The following ITIH2 variants were observed in gnomAD, a reference collection of about 807,000 sequenced individuals.
The protein encoded by ITIH2 is inter-alpha-trypsin inhibitor heavy chain H2.
A neutral mutation model predicts 104.4 loss-of-function variants in ITIH2; 103 were observed. That is an observed-to-expected ratio of 0.99 (90% CI 0.84 to 1.16). The LOEUF is 1.16. ITIH2 is among the 50% of genes most tolerant of loss of function. The pLI, the probability that ITIH2 is intolerant of heterozygous loss-of-function variation, is 0.00. For synonymous variants in ITIH2, 436 were observed against 435.4 expected (o/e 1.00, Z -0.02); for missense variants, 1,108 against 1,162.4 (o/e 0.95, Z 0.68).
intron 14 of ITIH2, among the ~76,000 whole-genome samples, chr10:7,733,745 AG>A (rs905867506): frequency 7.9e-5 from 12 of 152,264 alleles, no homozygotes; most frequent in African/African-American, 2.9e-4. Flanking sequence ...GTTTGATAAA[AG>A]TTCCCATTCC....
chr10:7,727,737 C>A lies in ITIH2; in HGVS notation c.1188C>A (p.Ile396=). The part of the protein sequence containing the change: ...TNINEALLRA[I]FILNEANNLG... ...TCAACGAAGCACTCCTACGGGCAATCTTCATTTTGAATGAAGCCAATAACT... is the reference window on the plus strand; with the variant it reads ...TCAACGAAGCACTCCTACGGGCAATATTCATTTTGAATGAAGCCAATAACT... The change falls in exon 11 of 21, where the codon ATC becomes ATA. Residue 396 remains isoleucine (I), a synonymous_variant. Transcript: ENST00000358415. 2.5e-6 allele frequency: 4 copies of A among 1,614,188 alleles called. No homozygotes were observed. The highest frequency in any genetic ancestry group is 1.3e-5 in the African/African-American group (1 of 75,052).
intron 4 of ITIH2, among the ~76,000 whole-genome samples, chr10:7,710,188 T>C (rs190007601): frequency 6.6e-6 from 1 of 152,314 alleles, no homozygotes; most frequent in African/African-American, 2.4e-5. Flanking sequence ...GTGGAAAGCA[T>C]GAGAGTACAG....
chr10:7,744,475 C>T lies in ITIH2; in HGVS notation c.2408+195C>T, dbSNP rs138115253. Reference sequence around the variant, plus strand: ...TGTGTGTTTTTGGTCACCGTTGGGTCCCAGGACCTAGTCCAGTGCCTGGCA... The same window carrying T: ...TGTGTGTTTTTGGTCACCGTTGGGTTCCAGGACCTAGTCCAGTGCCTGGCA... On this transcript the variant is annotated intron_variant, in intron 18 of 20. Transcript: ENST00000358415. Among the ~76,000 whole-genome samples, 618 of 152,292 alleles carry T rather than the reference C, an allele frequency of 4.1e-3. 3 individuals are homozygous for T. The highest frequency in any genetic ancestry group is 0.024 in the Middle Eastern group (7 of 294).
intron 16 of ITIH2, 69 bp downstream of exon 16, chr10:7,738,827 A>G (rs1255085604): frequency 3.4e-6 from 5 of 1,480,966 alleles, no homozygotes; most frequent in Admixed American, 4.4e-5. Flanking sequence ...CATTGTGTGC[A>G]TGAGGCCAGG....
At position 7,740,010 on chromosome 10, in the gene ITIH2, A is replaced by G. The variant is rs562471524; in HGVS notation, c.2095+1252A>G. 3.9e-5 allele frequency among the ~76,000 whole-genome samples: 6 copies of G among 152,244 alleles called. No individual in the cohort carries two copies. In the South Asian group the frequency reaches 1.2e-3, roughly 32 times the overall value. On this transcript the variant is annotated intron_variant, in intron 16 of 20. Coordinates refer to ENST00000358415, the MANE Select transcript of ITIH2 (RefSeq NM_002216.3). ...AATCCAGCCTGGCCAACAGGGGGAA[A>G]CCCTGTCTGTACTGAAAATACAAAA...
rs1564305855 is a variant in ITIH2 at position 7,737,819 on chromosome 10, AATATTCTATATTATATTCTAT to A, written c.1958-796_1958-776del. On this transcript the variant is annotated intron_variant, in intron 15 of 20. Coordinates refer to ENST00000358415, the MANE Select transcript of ITIH2 (RefSeq NM_002216.3). Reference sequence around the variant, plus strand: ...TAATATTCTATATTATATTCTATATAATATTCTATATTATATTCTATATATTATATATTATATTCTATATAT... The same window carrying A: ...TAATATTCTATATTATATTCTATATAATATTATATATTATATTCTATATAT... 2.8e-4 allele frequency among the ~76,000 whole-genome samples: 5 copies of A among 18,036 alleles called. 2 individuals are homozygous for A. Among genetic ancestry groups the A allele is most frequent in the Non-Finnish European group, 2.9e-4 (3 of 10,288 alleles). 11.8% of individuals were successfully genotyped at this position (18,036 alleles called of 152,430 possible).
intron 6 of ITIH2, 120 bp downstream of exon 6, chr10:7,717,908 C>A: frequency 1.1e-6 from 1 of 931,260 alleles, no homozygotes; most frequent in East Asian, 2.5e-5. Flanking sequence ...CTCTACAAGA[C>A]AGTGGGATGT....
intron 20 of ITIH2, among the ~76,000 whole-genome samples, chr10:7,747,697 G>C (rs1835192845): frequency 1.3e-5 from 2 of 151,602 alleles, no homozygotes; most frequent in African/African-American, 4.8e-5. Flanking sequence ...GACCAGCCTG[G>C]GCAACATAGT....
intron 6 of ITIH2, among the ~76,000 whole-genome samples, chr10:7,720,122 G>T (rs1190019788): frequency 9.7e-6 from 1 of 103,534 alleles, no homozygotes; most frequent in Non-Finnish European, 2.0e-5. Context: ...TGGGAGTGGG[G>T]AGACTTGGGA....
rs913778403 is a variant in ITIH2 at position 7,738,290 on chromosome 10, C to A, written c.1958-331C>A. On this transcript the variant is annotated intron_variant, in intron 15 of 20. Coordinates refer to ENST00000358415, the MANE Select transcript of ITIH2 (RefSeq NM_002216.3). The stretch of plus-strand genomic sequence containing the variant: ...TCTATATAATATTATATATTATATT[C>A]TATATAATATTATATATTATATTCT... Among the ~76,000 whole-genome samples the A allele has an allele frequency of 3.9e-5, 5 of 127,672 alleles. No homozygotes were observed. The East Asian group carries it at 6.2e-4, about 16-fold the overall frequency. The allele number at this position is 127,672 out of a possible 152,430, so 83.8% of individuals were successfully genotyped here. A position where few individuals can be genotyped will look rare whatever the true frequency, so the allele number is the denominator to read the frequency against.
intron 2 of ITIH2, 110 bp from the exon 3 acceptor site, chr10:7,707,091 T>A (rs1484387991): frequency 1.5e-6 from 1 of 657,904 alleles, no homozygotes; most frequent in Admixed American, 2.3e-5. Flanking sequence ...GAATAACAGC[T>A]CAGTATTGAA....
intron 1 of ITIH2, among the ~76,000 whole-genome samples, chr10:7,704,453 C>T (rs565781360): frequency 2.0e-4 from 30 of 152,296 alleles, no homozygotes; most frequent in African/African-American, 7.0e-4. Context: ...AAAATACCTA[C>T]ATTTTTAACT....
intron 3 of ITIH2, 106 bp from the exon 4 acceptor site, chr10:7,708,916 A>G (rs1321441993): frequency 1.1e-6 from 1 of 936,610 alleles, no homozygotes; most frequent in African/African-American, 1.6e-5. Flanking sequence ...TTGTTCTGCT[A>G]GTAAAACAAG....
At chr10:7,708,813 G>C (rs1322926909) in intron 3 of ITIH2, among the ~76,000 whole-genome samples, 1 of 152,108 alleles carries the variant, frequency 6.6e-6, no homozygotes, top group East Asian at 1.9e-4. Flanking sequence ...AAAGTATCTT[G>C]AAACCAAGGC....
chr10:7,723,848 A>G (rs1834929128), intron 9 of ITIH2, among the ~76,000 whole-genome samples: 1 of 151,542 alleles, frequency 6.6e-6, no homozygotes, highest in South Asian at 2.1e-4. Flanking sequence ...TCCACTCTCT[A>G]TCCAATATTT....
At chr10:7,718,084 A>T (rs1834867802) in intron 6 of ITIH2, among the ~76,000 whole-genome samples, 1 of 152,112 alleles carries the variant, frequency 6.6e-6, no homozygotes, top group Non-Finnish European at 1.5e-5. Flanking sequence ...TCTGAAGTCA[A>T]GGTGTCTGCA....
chr10:7,724,302 G>C (rs1013603797), intron 9 of ITIH2, among the ~76,000 whole-genome samples: 1 of 152,138 alleles, frequency 6.6e-6, no homozygotes. Flanking sequence ...CAGGCACAGT[G>C]GCTCACGCCT....
At chr10:7,707,108 T>G in intron 2 of ITIH2, 93 bp from the exon 3 acceptor site, 1 of 803,824 alleles carries the variant, frequency 1.2e-6, no homozygotes, top group Non-Finnish European at 2.1e-6. Flanking sequence ...TGAAGAAAAA[T>G]AAAATTTCTT....
chr10:7,726,665 A>C (rs1289151799), intron 9 of ITIH2, among the ~76,000 whole-genome samples: 1 of 152,236 alleles, frequency 6.6e-6, no homozygotes, highest in East Asian at 1.9e-4. Flanking sequence ...ATTTTCAGGC[A>C]TCATAAAGGT....
Sources: allele counts gnomAD v4.1 joint callset (sites outside exome capture counted in the v4.1 genomes callset), GRCh38; gene constraint gnomAD v4.1.1; transcripts MANE v1.5; gene names NCBI Gene and HGNC (gene_info 2026-07-23, HGNC 2026-07-21).